The following DOCK1 variants were observed in gnomAD, a reference collection of about 807,000 sequenced individuals.
DOCK1 encodes the protein dedicator of cytokinesis protein 1.
Under a neutral mutation model 262.7 loss-of-function variants are expected in DOCK1, and 138 were observed. That is an observed-to-expected ratio of 0.53 (90% CI 0.46 to 0.61). The LOEUF (loss-of-function observed/expected upper bound fraction) is 0.61. DOCK1 is among the 20% of genes least tolerant of loss of function. DOCK1 has a pLI of 0.00. For synonymous variants in DOCK1, 866 were observed against 867.4 expected (o/e 1.00, Z 0.03); for missense variants, 1,908 against 2,370.7 (o/e 0.80, Z 4.05).
intron 27 of DOCK1, among the ~76,000 whole-genome samples, chr10:127,138,432 G>A (rs1290285031): frequency 6.6e-6 from 1 of 152,108 alleles, no homozygotes; most frequent in African/African-American, 2.4e-5. Flanking sequence ...CGCAAGGTCC[G>A]TTCCTGTGCA....
In DOCK1 at chr10:127,347,885, A is replaced by ATCCCT. The variant is rs2063718191; in HGVS notation, c.3224+4149_3224+4153dup. On this transcript the variant is annotated intron_variant, in intron 31 of 51. Transcript: ENST00000623213. ...TTCCCTTCCCTTCCCTTCCCTTCCC[A>ATCCCT]TCCCTTCCCTTCCCCCTTGCTAAGC... is the stretch of plus-strand genomic sequence containing the variant. 4.0e-4 allele frequency among the ~76,000 whole-genome samples: 4 copies of ATCCCT among 9,970 alleles called. 1 individual carries two copies. The highest frequency in any genetic ancestry group is 2.2e-3 in the African/African-American group (4 of 1,830). The allele number at this position is 9,970 out of a possible 152,430, so 6.5% of individuals were successfully genotyped here.
At chr10:127,004,824 C>T (rs970794816) in intron 10 of DOCK1, among the ~76,000 whole-genome samples, 10 of 147,938 alleles carry the variant, frequency 6.8e-5, no homozygotes, top group Admixed American at 1.4e-4. Context: ...CCACTCCTGT[C>T]CAGGTAAACC....
At chr10:127,274,554 G>A (rs60622837) in intron 29 of DOCK1, among the ~76,000 whole-genome samples, 10,701 of 152,146 alleles carry the variant, frequency 0.07, 414 homozygotes, top group East Asian at 0.11. Flanking sequence ...TGGGAAGAGG[G>A]AAACAATGAG....
rs1589779516 is a variant in DOCK1 at position 127,175,503 on chromosome 10, T to C, written c.2847+47739T>C. 6.8e-6 allele frequency: 11 copies of C among 1,608,740 alleles called. No individual in the cohort carries two copies. The East Asian group carries it at 2.2e-4, about 33-fold the overall frequency. Reference sequence around the variant, plus strand: ...GGCCAGGGCAGTTTCCGAGGGCGCCTGGAGCCCGTTGAGATGTGTGGCTCT... The same window carrying C: ...GGCCAGGGCAGTTTCCGAGGGCGCCCGGAGCCCGTTGAGATGTGTGGCTCT... On this transcript the variant is annotated intron_variant, in intron 27 of 51. Transcript: ENST00000623213. This position sits in a 1 kb window ranked among gnomAD's most constrained non-coding sequence, Gnocchi z 6.3.
rs2071026887 is a variant in DOCK1, at chr10:127,452,508, T to G, written c.*1081T>G. The G allele has an allele frequency of 6.6e-6, 1 of 152,666 alleles. No homozygotes were observed. Among genetic ancestry groups the G allele is most frequent in the Non-Finnish European group, 1.5e-5 (1 of 68,046 alleles). The allele number at this position is 152,666 out of a possible 1,614,324, so 9.5% of individuals were successfully genotyped here. A position where few individuals can be genotyped will look rare whatever the true frequency, so the allele number is the denominator to read the frequency against. ...TTGACAACGAAAAATAAAATGTTAT[T>G]TTAAAAGACTCACAGTGTCTGACCA... is the stretch of plus-strand genomic sequence containing the variant. On this transcript the variant is annotated 3_prime_UTR_variant, in exon 52 of 52. Transcript: ENST00000623213.
chr10:127,408,026 A>C (rs2067621335), intron 40 of DOCK1, among the ~76,000 whole-genome samples: 1 of 152,010 alleles, frequency 6.6e-6, no homozygotes, highest in Admixed American at 6.6e-5. Flanking sequence ...CCGAGTTCAC[A>C]CTCAGAACAC....
In DOCK1 at chr10:126,996,726, TACTAA is replaced by T; in HGVS notation, c.474-20_474-16del. The T allele has an allele frequency of 1.9e-6, 3 of 1,599,618 alleles. No homozygotes were observed. The highest frequency in any genetic ancestry group is 2.6e-6 in the Non-Finnish European group (3 of 1,174,896). ...CCTCCTTGGTCTATGTCTGTGAACTTACTAAATTCTTGTTGTTCTAGAATTCTAGA... is the reference window on the plus strand; with the variant it reads ...CCTCCTTGGTCTATGTCTGTGAACTTATTCTTGTTGTTCTAGAATTCTAGA... On this transcript the variant is annotated splice_polypyrimidine_tract_variant and intron_variant, in intron 6 of 51. Transcript: ENST00000623213.
chr10:127,053,287 A>T (rs9418725), intron 22 of DOCK1, among the ~76,000 whole-genome samples: 34,172 of 152,200 alleles, frequency 0.22, 4,160 homozygotes, highest in Non-Finnish European at 0.26. Flanking sequence ...GCTTGCAGCG[A>T]GCGGAGATCG....
In DOCK1 at chr10:126,926,591, T is replaced by C. The variant is rs1591339084; in HGVS notation, c.46+21028T>C. On this transcript the variant is annotated intron_variant, in intron 1 of 51. Transcript: ENST00000623213. ...ACCCTTAGTGCCTCAGAGTGTGACC[T>C]TACTTGGAAATGGGGTCATCACAGA... 3.3e-5 allele frequency among the ~76,000 whole-genome samples: 5 copies of C among 152,320 alleles called. No homozygotes were observed. In the South Asian group the frequency reaches 1.0e-3, roughly 32 times the overall value.
At chr10:127,379,618 C>G (rs1410324632) in intron 35 of DOCK1, among the ~76,000 whole-genome samples, 1 of 152,158 alleles carries the variant, frequency 6.6e-6, no homozygotes, top group Non-Finnish European at 1.5e-5. Flanking sequence ...TTGCATAACT[C>G]AGGTCTGTAT....
intron 1 of DOCK1, among the ~76,000 whole-genome samples, chr10:126,909,940 T>C (rs371922416): frequency 2.0e-5 from 3 of 152,200 alleles, no homozygotes; most frequent in South Asian, 4.1e-4. Context: ...TGCTTCCTAA[T>C]TGGGGTAGAA....
intron 23 of DOCK1, among the ~76,000 whole-genome samples, chr10:127,071,116 A>G (rs1027529378): frequency 4.6e-5 from 7 of 152,132 alleles, no homozygotes; most frequent in African/African-American, 1.7e-4. Flanking sequence ...TGAAGAAAAT[A>G]TTTTATGGCT....
intron 13 of DOCK1, among the ~76,000 whole-genome samples, chr10:127,019,858 C>T (rs1255123915): frequency 6.6e-5 from 10 of 152,196 alleles, no homozygotes; most frequent in African/African-American, 2.2e-4. Context: ...GCTAATGAGC[C>T]GTGGAAACGG....
intron 13 of DOCK1, among the ~76,000 whole-genome samples, chr10:127,022,662 A>G (rs1285202854): frequency 6.6e-6 from 1 of 152,064 alleles, no homozygotes; most frequent in African/African-American, 2.4e-5. Flanking sequence ...TCCCAAAGTG[A>G]TGGGATCACA....
intron 23 of DOCK1, among the ~76,000 whole-genome samples, chr10:127,073,176 A>AG (rs2135941802): frequency 6.6e-6 from 1 of 152,354 alleles, no homozygotes; most frequent in East Asian, 1.9e-4. Flanking sequence ...TCTAAATCAA[A>AG]GGAAAGGTAT....
intron 29 of DOCK1, among the ~76,000 whole-genome samples, chr10:127,283,068 C>G (rs1054489228): frequency 6.6e-6 from 1 of 152,234 alleles, no homozygotes. Flanking sequence ...CTGTTTGGCG[C>G]CAACAAGGAG....
intron 25 of DOCK1, among the ~76,000 whole-genome samples, chr10:127,116,705 C>T (rs1458298318): frequency 2.0e-5 from 3 of 151,964 alleles, no homozygotes; most frequent in South Asian, 2.1e-4. Flanking sequence ...AGAAATATAT[C>T]GAAAGGGATC....
At chr10:127,374,842 C>T (rs550113201) in intron 35 of DOCK1, among the ~76,000 whole-genome samples, 14 of 152,292 alleles carry the variant, frequency 9.2e-5, no homozygotes, top group African/African-American at 2.2e-4. Flanking sequence ...CAGAAGCCTG[C>T]GGAGGCCAGG....
rs879269473 is a variant in DOCK1 at position 127,262,077 on chromosome 10, G to GTGTGTGT, written c.3044+4648_3044+4649insTGTGTGT. ...GTGCTCTTCTGTGTGTGTGCATGTG[G>GTGTGTGT]GTGTGTGTGTGTACCCGTGCTCCTC... On this transcript the variant is annotated intron_variant, in intron 29 of 51. Transcript: ENST00000623213. 1.1e-3 allele frequency among the ~76,000 whole-genome samples: 90 copies of GTGTGTGT among 83,972 alleles called. 1 individual carries two copies. Among genetic ancestry groups the GTGTGTGT allele is most frequent in the African/African-American group, 4.0e-3 (83 of 20,788 alleles). The allele number at this position is 83,972 out of a possible 152,430, so 55.1% of individuals were successfully genotyped here.
Sources: allele counts gnomAD v4.1 joint callset (sites outside exome capture counted in the v4.1 genomes callset), GRCh38; gene constraint gnomAD v4.1.1; non-coding constraint Gnocchi (gnomAD v3.1); transcripts MANE v1.5; gene names NCBI Gene and HGNC (gene_info 2026-07-23, HGNC 2026-07-21).